The following ZFHX3 variants were observed in gnomAD, a reference collection of about 807,000 sequenced individuals.
ZFHX3 encodes the protein zinc finger homeobox protein 3.
Under a neutral mutation model 279.1 loss-of-function variants are expected in ZFHX3, and 42 were observed. The observed-to-expected ratio is 0.15, with a 90% CI of 0.12 to 0.19. ZFHX3 has a LOEUF of 0.19. Ranked by LOEUF, ZFHX3 falls within the 10% of genes least tolerant of loss-of-function variation. ZFHX3 has a pLI of 1.00. For missense variants in ZFHX3, 4,981 were observed against 4,754.0 expected, an observed-to-expected ratio of 1.05 and a Z score of -1.40; for synonymous variants, 2,293 against 1,957.8, an observed-to-expected ratio of 1.17 and a Z score of -4.52.
chr16:73,341,012 G>A (rs2016021968), intron 3 of ZFHX3, among the ~76,000 whole-genome samples: 1 of 152,088 alleles, frequency 6.6e-6, no homozygotes, highest in South Asian at 2.1e-4. Flanking sequence ...TGTATCACCG[G>A]CCAAAGGCTA....
chr16:73,607,538 C>T (rs144883814), intron 2 of ZFHX3, among the ~76,000 whole-genome samples: 2,591 of 152,214 alleles, frequency 0.017, 42 homozygotes, highest in Non-Finnish European at 0.028. Flanking sequence ...CTATAAAATG[C>T]GGAAAATACT....
chr16:73,030,786 T>A (rs1964670145), intron 1 of ZFHX3, among the ~76,000 whole-genome samples: 1 of 152,242 alleles, frequency 6.6e-6, no homozygotes, highest in Non-Finnish European at 1.5e-5. Flanking sequence ...GGAGTTAACC[T>A]GCCTCCCTTG....
chr16:73,821,226 T>C (rs1332988232), intron 1 of ZFHX3, among the ~76,000 whole-genome samples: 1 of 152,230 alleles, frequency 6.6e-6, no homozygotes, highest in African/African-American at 2.4e-5. Flanking sequence ...CTCTGTCCTG[T>C]GACCTCTGAT....
intron 1 of ZFHX3, among the ~76,000 whole-genome samples, chr16:72,999,377 G>C (rs779491754): frequency 6.6e-6 from 1 of 152,106 alleles, no homozygotes; most frequent in Non-Finnish European, 1.5e-5. Context: ...GGCTGGTCTC[G>C]AACTCCTGAC....
intron 2 of ZFHX3, among the ~76,000 whole-genome samples, chr16:73,577,691 T>G (rs2051815079): frequency 6.6e-6 from 1 of 152,216 alleles, no homozygotes; most frequent in South Asian, 2.1e-4. Flanking sequence ...GTTTTTAAAA[T>G]TCTGAACTTA....
At chr16:73,383,153 T>C (rs1053246770) in intron 3 of ZFHX3, among the ~76,000 whole-genome samples, 1 of 152,230 alleles carries the variant, frequency 6.6e-6, no homozygotes, top group Admixed American at 6.5e-5. Flanking sequence ...ATGACTTAAC[T>C]GCAAGTCATT....
intron 2 of ZFHX3, among the ~76,000 whole-genome samples, chr16:73,604,853 T>C (rs1213017368): frequency 6.6e-6 from 1 of 152,144 alleles, no homozygotes; most frequent in Admixed American, 6.5e-5. Flanking sequence ...AGATACCAGT[T>C]TTGGTCACGA....
chr16:73,413,457 C>T (rs2017509710), intron 3 of ZFHX3, among the ~76,000 whole-genome samples: 2 of 152,152 alleles, frequency 1.3e-5, no homozygotes, highest in African/African-American at 4.8e-5. Flanking sequence ...GACCCCAAGA[C>T]ATAGCAGGCC....
At chr16:73,534,890 T>C (rs1411634021) in intron 2 of ZFHX3, among the ~76,000 whole-genome samples, 2 of 152,114 alleles carry the variant, frequency 1.3e-5, no homozygotes, top group Non-Finnish European at 2.9e-5. Flanking sequence ...TCACAGTGAC[T>C]CCCCAATCAT....
At chr16:72,951,033 C>G in intron 2 of ZFHX3, 68 bp from the exon 3 acceptor site, 1 of 1,552,722 alleles carries the variant, frequency 6.4e-7, no homozygotes, top group Non-Finnish European at 8.7e-7. Context: ...CTGAGGCACC[C>G]CCCAGCCCTC....
intron 2 of ZFHX3, among the ~76,000 whole-genome samples, chr16:73,662,693 A>G (rs2052798064): frequency 6.6e-6 from 1 of 152,260 alleles, no homozygotes; most frequent in Non-Finnish European, 1.5e-5. Flanking sequence ...GGTCAAAAAC[A>G]AAGCAATGCT....
At chr16:72,924,360 G>A (rs1375961056) in intron 3 of ZFHX3, among the ~76,000 whole-genome samples, 1 of 152,124 alleles carries the variant, frequency 6.6e-6, no homozygotes, top group East Asian at 1.9e-4. Flanking sequence ...CTACAAGGAC[G>A]GTCACTGACT....
intron 5 of ZFHX3, among the ~76,000 whole-genome samples, chr16:73,179,860 G>A (rs1967752684): frequency 6.6e-6 from 1 of 152,142 alleles, no homozygotes; most frequent in Non-Finnish European, 1.5e-5. Flanking sequence ...TCAGAAGGGG[G>A]ACCCACTGAC....
At chr16:73,560,669 T>C (rs2020356359) in intron 2 of ZFHX3, among the ~76,000 whole-genome samples, 1 of 152,214 alleles carries the variant, frequency 6.6e-6, no homozygotes, top group Non-Finnish European at 1.5e-5. Context: ...GGCTGTGAAC[T>C]ACCTGATCAA....
intron 2 of ZFHX3, among the ~76,000 whole-genome samples, chr16:73,660,590 A>T (rs2052771469): frequency 6.6e-6 from 1 of 152,198 alleles, no homozygotes; most frequent in Non-Finnish European, 1.5e-5. Flanking sequence ...GAGAAACTGA[A>T]ATGCAAGTTG....
At chr16:73,395,099 G>C (rs1479619799) in intron 3 of ZFHX3, among the ~76,000 whole-genome samples, 1 of 152,134 alleles carries the variant, frequency 6.6e-6, no homozygotes, top group East Asian at 1.9e-4. Context: ...CTGGAATCCA[G>C]GGTAGTCTCT....
intron 4 of ZFHX3, among the ~76,000 whole-genome samples, chr16:73,311,452 A>AGGTGC (rs60100747): frequency 6.6e-6 from 1 of 151,214 alleles, no homozygotes; most frequent in Non-Finnish European, 1.5e-5. Flanking sequence ...AAAATTAGCC[A>AGGTGC]GGTGGCAGAC....
chr16:72,824,889 T>C (rs559837252), intron 5 of ZFHX3, among the ~76,000 whole-genome samples: 22 of 152,358 alleles, frequency 1.4e-4, no homozygotes, highest in African/African-American at 4.6e-4. Flanking sequence ...GTCATTTTCA[T>C]GTTTCAAAAG....
intron 1 of ZFHX3, among the ~76,000 whole-genome samples, chr16:73,822,121 T>C (rs1278979645): frequency 6.6e-6 from 1 of 152,174 alleles, no homozygotes; most frequent in Non-Finnish European, 1.5e-5. Flanking sequence ...CAATAAAAAG[T>C]CACCAGAATC....
Sources: allele counts gnomAD v4.1 joint callset (sites outside exome capture counted in the v4.1 genomes callset), GRCh38; gene constraint gnomAD v4.1.1; transcripts MANE v1.5; gene names NCBI Gene and HGNC (gene_info 2026-07-23, HGNC 2026-07-21).